CDH18: variants seen among roughly 807,000 people sequenced by gnomAD.
CDH18 encodes cadherin 18, also known as cadherin-18.
In CDH18, 31 loss-of-function variants were observed where a neutral mutation model predicts 67.9. That is an observed-to-expected ratio of 0.46 (90% CI 0.34 to 0.62). The LOEUF is 0.62. Ranked by LOEUF, CDH18 falls within the 20% of genes least tolerant of loss-of-function variation. CDH18 has a pLI of 0.01. For missense variants in CDH18, 890 were observed against 975.5 expected (o/e 0.91, Z 1.17); for synonymous variants, 362 against 347.2 (o/e 1.04, Z -0.48).
intron 1 of CDH18, among the ~76,000 whole-genome samples, chr5:20,449,691 T>C (rs1272700810): frequency 6.6e-6 from 1 of 152,046 alleles, no homozygotes; most frequent in African/African-American, 2.4e-5. Flanking sequence ...TTTGTAAGTG[T>C]ACAAAAATTT....
intron 1 of CDH18, among the ~76,000 whole-genome samples, chr5:20,527,427 C>A (rs186912102): frequency 6.6e-4 from 101 of 151,964 alleles, no homozygotes; most frequent in Admixed American, 1.7e-3. Context: ...ATAAGATATT[C>A]CACAAGATCA....
chr5:19,691,272 C>G (rs367770973), intron 5 of CDH18, among the ~76,000 whole-genome samples: 2 of 151,694 alleles, frequency 1.3e-5, no homozygotes, highest in Non-Finnish European at 3.0e-5. Context: ...TATGACAAAC[C>G]CACAGCTAAC....
intron 1 of CDH18, among the ~76,000 whole-genome samples, chr5:19,987,696 T>C (rs1799712534): frequency 6.6e-6 from 1 of 152,046 alleles, no homozygotes; most frequent in Non-Finnish European, 1.5e-5. Context: ...TGACCATGCG[T>C]CCCCTCACTT....
chr5:19,646,050 T>C (rs1010520462), intron 5 of CDH18, among the ~76,000 whole-genome samples: 6 of 152,194 alleles, frequency 3.9e-5, no homozygotes, highest in African/African-American at 1.4e-4. Flanking sequence ...GAGGCCATCA[T>C]GTCTCTACCT....
rs149029246 is a variant in CDH18, at chr5:20,382,870, T to G, written c.-579-127365A>C. Among the ~76,000 whole-genome samples, 65 of 152,230 alleles carry G rather than the reference T, an allele frequency of 4.3e-4. No individual in the cohort carries two copies. In the East Asian group the frequency reaches 0.01, roughly 24 times the overall value. ...TTCTCCACAGCTATCAACACCTTAGTAAACTGTTTTCTTTCATTTCCCATG... is the reference window on the plus strand; with the variant it reads ...TTCTCCACAGCTATCAACACCTTAGGAAACTGTTTTCTTTCATTTCCCATG... On this transcript the variant is annotated intron_variant, in intron 1 of 14. Coordinates refer to the CDH18 transcript ENST00000507958.
chr5:20,198,712 T>G (rs1287945941), intron 2 of CDH18, among the ~76,000 whole-genome samples: 2 of 152,066 alleles, frequency 1.3e-5, no homozygotes, highest in Non-Finnish European at 2.9e-5. Flanking sequence ...TCAGAGGCCT[T>G]TGGAGCACCC....
At chr5:19,950,055 T>C (rs544256478) in intron 2 of CDH18, among the ~76,000 whole-genome samples, 1 of 151,266 alleles carries the variant, frequency 6.6e-6, no homozygotes, top group African/African-American at 2.4e-5. Context: ...ATATGAGATA[T>C]ATACATATAT....
chr5:20,128,311 C>A (rs1051967320), intron 2 of CDH18, among the ~76,000 whole-genome samples: 1 of 151,826 alleles, frequency 6.6e-6, no homozygotes, highest in South Asian at 2.1e-4. Context: ...AGATATGGTG[C>A]TATTATTTTT....
At chr5:20,508,517 A>G (rs970743643) in intron 1 of CDH18, among the ~76,000 whole-genome samples, 4 of 151,520 alleles carry the variant, frequency 2.6e-5, no homozygotes, top group Non-Finnish European at 5.9e-5. Flanking sequence ...TATTAACTGT[A>G]TAAGAAAATA....
chr5:19,662,760 G>T (rs1580754696), intron 5 of CDH18, among the ~76,000 whole-genome samples: 2 of 151,908 alleles, frequency 1.3e-5, no homozygotes, highest in Admixed American at 1.3e-4. Context: ...AGGCAAAAAT[G>T]TGCAGACTAA....
chr5:19,706,821 CCA>C (rs1388303212), intron 5 of CDH18, among the ~76,000 whole-genome samples: 1 of 152,098 alleles, frequency 6.6e-6, no homozygotes, highest in Non-Finnish European at 1.5e-5. Flanking sequence ...CTCCCTGAAA[CCA>C]CAGTCACAAA....
rs561500214 is a variant in CDH18, at chr5:20,573,435, T to C, written c.-580+2027A>G. Among the ~76,000 whole-genome samples, 259 of 151,932 alleles carry C rather than the reference T, an allele frequency of 1.7e-3. 2 individuals carry two copies. The highest frequency in any genetic ancestry group is 6.0e-3 in the African/African-American group (248 of 41,514). ...AACTGTATAAAACAACTTGGATACTTAAGGTTGTTGCAACAAAAATTATAA... is the reference window on the plus strand; with the variant it reads ...AACTGTATAAAACAACTTGGATACTCAAGGTTGTTGCAACAAAAATTATAA... On this transcript the variant is annotated intron_variant, in intron 1 of 14. Transcript: ENST00000507958.
chr5:19,747,318 A>G (rs1770159069), intron 3 of CDH18, 82 bp from the exon 4 acceptor site: 1 of 1,161,164 alleles, frequency 8.6e-7, no homozygotes, highest in African/African-American at 1.6e-5. Context: ...CCTATCTATA[A>G]TTACTTTGGC....
intron 5 of CDH18, among the ~76,000 whole-genome samples, chr5:19,651,179 T>A (rs559972335): frequency 2.0e-5 from 3 of 152,174 alleles, no homozygotes; most frequent in African/African-American, 4.8e-5. Context: ...AGGTTCAAGT[T>A]TTTTAGGAAA....
intron 1 of CDH18, among the ~76,000 whole-genome samples, chr5:20,474,684 G>A (rs1469744264): frequency 1.3e-5 from 2 of 152,236 alleles, no homozygotes; most frequent in Admixed American, 6.5e-5. Context: ...GAGAAAGGAA[G>A]TCCTAGAAGG....
intron 5 of CDH18, among the ~76,000 whole-genome samples, chr5:19,700,751 A>T (rs917863336): frequency 1.3e-5 from 2 of 152,158 alleles, no homozygotes; most frequent in Non-Finnish European, 2.9e-5. Context: ...TTTGTATCTA[A>T]ACATTCCCAG....
intron 2 of CDH18, among the ~76,000 whole-genome samples, chr5:19,857,503 C>T (rs961014731): frequency 3.3e-5 from 5 of 152,094 alleles, no homozygotes; most frequent in African/African-American, 1.2e-4. Context: ...GTAGTTGAGA[C>T]ACAGACATAA....
At chr5:20,173,698 CTG>C (rs1262691739) in intron 2 of CDH18, among the ~76,000 whole-genome samples, 1 of 152,068 alleles carries the variant, frequency 6.6e-6, no homozygotes, top group Admixed American at 6.6e-5. Flanking sequence ...TTATGAATAA[CTG>C]AAATTAGAAT....
chr5:20,233,502 T>C (rs1742235776), intron 2 of CDH18, among the ~76,000 whole-genome samples: 2 of 152,076 alleles, frequency 1.3e-5, no homozygotes, highest in South Asian at 4.1e-4. Flanking sequence ...TTTTCTTCTG[T>C]TTTCTTTTTT....
Sources: allele counts gnomAD v4.1 joint callset (sites outside exome capture counted in the v4.1 genomes callset), GRCh38; gene constraint gnomAD v4.1.1; transcripts MANE v1.5; gene names NCBI Gene and HGNC (gene_info 2026-07-23, HGNC 2026-07-21).